Variants in ANKRD27 observed in about 807,000 individuals in gnomAD.
The protein encoded by ANKRD27 is ankyrin repeat domain-containing protein 27.
ANKRD27 carries 112 observed loss-of-function variants against 129.7 expected under a neutral mutation model. The observed-to-expected ratio is 0.86, with a 90% CI of 0.74 to 1.01. The LOEUF (loss-of-function observed/expected upper bound fraction) is 1.01. ANKRD27 is among the 50% of genes least tolerant of loss of function. The pLI is 0.00. For missense variants in ANKRD27, 1,258 were observed against 1,300.5 expected (o/e 0.97, Z 0.50); for synonymous variants, 516 against 511.2 (o/e 1.01, Z -0.13).
rs558531492 is a variant in ANKRD27 at position 32,657,740 on chromosome 19, G to A, written c.102+1174C>T. ...TGTAATCCCAGCACTTTGGGAGGCC[G>A]AGGTGGGCAGATCACCTGAGGCCGG... On this transcript the variant is annotated intron_variant, in intron 2 of 28. Transcript: ENST00000306065. Among the ~76,000 whole-genome samples, 6 of 152,194 alleles carry A rather than the reference G, an allele frequency of 3.9e-5. No individual in the cohort carries two copies. The East Asian group carries it at 9.7e-4, about 25-fold the overall frequency.
chr19:32,664,616 C>CT (rs1967710902), intron 1 of ANKRD27, among the ~76,000 whole-genome samples: 1 of 65,604 alleles, frequency 1.5e-5, no homozygotes, highest in African/African-American at 5.3e-5. Flanking sequence ...ACTCCATCCC[C>CT]AAATAATAAT....
rs749417636 is a variant in ANKRD27, at chr19:32,605,871, G to C, written c.2457C>G (p.Ser819=). The C allele has an allele frequency of 3.7e-6, 6 of 1,614,046 alleles. No homozygotes were observed. The highest frequency in any genetic ancestry group is 5.1e-6 in the Non-Finnish European group (6 of 1,179,964). The stretch of plus-strand genomic sequence containing the variant: ...GTGCCACAAGCTCGTGATGGCCACC[G>C]GAGCAGGCGTAAATGAGGGGCGTGT... ...SGNTPLIYAC[S]GGHHELVALL... is the part of the protein sequence containing the mutation. The change falls in exon 24 of 29, where the codon TCC becomes TCG. Residue 819 remains serine (S), a synonymous_variant. Transcript: ENST00000306065.
In ANKRD27 at chr19:32,604,299, G is replaced by A. The variant is rs1971697543; in HGVS notation, c.2619C>T (p.Asn873=). The A allele has an allele frequency of 6.2e-7, 1 of 1,613,746 alleles. No homozygotes were observed. The highest frequency in any genetic ancestry group is 8.5e-7 in the Non-Finnish European group (1 of 1,180,002). The change falls in exon 25 of 29, where the codon AAC becomes AAT. Residue 873 remains asparagine, a synonymous_variant. Coordinates refer to ENST00000306065, the MANE Select transcript of ANKRD27 (RefSeq NM_032139.3). ...LLHGASVQVL[N]KRQRTAVDCA... is the part of the protein sequence containing the mutation. The stretch of plus-strand genomic sequence containing the variant: ...AGTCTACAGCCGTGCGCTGCCGCTT[G>A]TTCAGCACCTGAACTGACGCTCCGT...
chr19:32,671,602 C>T (rs1280816349), intron 1 of ANKRD27, among the ~76,000 whole-genome samples: 1 of 151,744 alleles, frequency 6.6e-6, no homozygotes, highest in African/African-American at 2.4e-5. Flanking sequence ...GGCTGAGGCA[C>T]GAGAATCTCT....
intron 1 of ANKRD27, among the ~76,000 whole-genome samples, chr19:32,674,033 T>C (rs924864153): frequency 4.0e-5 from 6 of 151,468 alleles, no homozygotes; most frequent in African/African-American, 1.5e-4. Flanking sequence ...GGCATGCGCC[T>C]GTAGTCCCAG....
intron 2 of ANKRD27, among the ~76,000 whole-genome samples, chr19:32,652,808 G>T (rs937508478): frequency 1.1e-4 from 17 of 151,950 alleles, no homozygotes; most frequent in Non-Finnish European, 2.2e-4. Context: ...CACGCCTGTA[G>T]TCCCAGCTAC....
Position 32,607,805 on chromosome 19 carries a change from GC to G in ANKRD27, c.2202del (p.Gly736ValfsTer2), listed in dbSNP as rs756414479. On this transcript the variant is annotated frameshift_variant, in exon 23 of 29. Coordinates refer to ENST00000306065, the MANE Select transcript of ANKRD27 (RefSeq NM_032139.3). LOFTEE classifies it high-confidence loss of function. The part of the protein sequence containing the change: ...QKRLAKVPAS[G>X]LGVNVTSQDG... ...TCCTGGCTGGTCACGTTCACACCAA[GC>G]CCACTGGCAGGAACCTTCGCCAGCC... The G allele has an allele frequency of 1.2e-6, 2 of 1,609,186 alleles. No individual in the cohort carries two copies. Among genetic ancestry groups the G allele is most frequent in the Non-Finnish European group, 1.7e-6 (2 of 1,178,300 alleles).
intron 3 of ANKRD27, among the ~76,000 whole-genome samples, chr19:32,648,964 GTTTGT>G (rs1442113933): frequency 2.7e-4 from 32 of 118,502 alleles, no homozygotes; most frequent in Non-Finnish European, 4.7e-4. Flanking sequence ...TGTTTTTTGG[GTTTGT>G]TTTTTTTTTT....
intron 2 of ANKRD27, among the ~76,000 whole-genome samples, chr19:32,653,823 A>G (rs1053185907): frequency 2.6e-5 from 4 of 152,194 alleles, no homozygotes; most frequent in Non-Finnish European, 5.9e-5. Flanking sequence ...GGCCACATGG[A>G]GATGAGGCGG....
chr19:32,622,439 A>G lies in ANKRD27; in HGVS notation c.1810T>C (p.Cys604Arg). ...QNRLKETPLK[C>R]ALNSKILSVM... Reference sequence around the variant, plus strand: ...AGAGCTACCTTTGAGTTTAATGCACACTTGAGGGGCGTCTCCTTCAGTCTG... The same window carrying G: ...AGAGCTACCTTTGAGTTTAATGCACGCTTGAGGGGCGTCTCCTTCAGTCTG... Residue 604 changes from cysteine to arginine, a missense_variant, in exon 18 of 29, where the codon TGT becomes CGT. Coordinates refer to ENST00000306065, the MANE Select transcript of ANKRD27 (RefSeq NM_032139.3). 6.2e-7 allele frequency: 1 copy of G among 1,612,440 alleles called. No homozygotes were observed. The highest frequency in any genetic ancestry group is 1.1e-5 in the South Asian group (1 of 91,024).
At chr19:32,630,671 C>T (rs1051975284) in intron 13 of ANKRD27, among the ~76,000 whole-genome samples, 2 of 152,236 alleles carry the variant, frequency 1.3e-5, no homozygotes, top group African/African-American at 2.4e-5. Context: ...CACTCTGCCA[C>T]CTAGGCTGGA....
At chr19:32,651,161 G>A (rs910013498) in intron 2 of ANKRD27, among the ~76,000 whole-genome samples, 1 of 152,196 alleles carries the variant, frequency 6.6e-6, no homozygotes, top group Non-Finnish European at 1.5e-5. Context: ...AGGCTCCCAA[G>A]TGGCCTCACC....
chr19:32,648,958 T>C (rs1352730009), intron 3 of ANKRD27, among the ~76,000 whole-genome samples: 1 of 137,350 alleles, frequency 7.3e-6, no homozygotes, highest in Non-Finnish European at 1.5e-5. Flanking sequence ...AAAGATTGTT[T>C]TTTGGGTTTG....
intron 2 of ANKRD27, among the ~76,000 whole-genome samples, chr19:32,653,737 G>GTGGGGA (rs1326282379): frequency 1.3e-5 from 2 of 150,630 alleles, no homozygotes; most frequent in Non-Finnish European, 1.5e-5. Flanking sequence ...CGTGGCGGGG[G>GTGGGGA]CGGGGACGGG....
intron 9 of ANKRD27, 56 bp from the exon 10 acceptor site, chr19:32,642,201 C>T (rs1011543421): frequency 1.1e-5 from 15 of 1,393,758 alleles, no homozygotes; most frequent in South Asian, 5.4e-5. Flanking sequence ...AACCCTCTGG[C>T]CTGGATCTAA....
chr19:32,608,371 T>C (rs2868153), intron 22 of ANKRD27: 180,185 of 309,342 alleles, frequency 0.58, 55,132 homozygotes, highest in Non-Finnish European at 0.67. Flanking sequence ...TTGAGGGGCA[T>C]GGCCACAGCC....
intron 1 of ANKRD27, among the ~76,000 whole-genome samples, chr19:32,667,341 T>TA (rs1326499514): frequency 6.6e-6 from 1 of 152,242 alleles, no homozygotes; most frequent in Non-Finnish European, 1.5e-5. Context: ...TTCAATAACT[T>TA]ATTGTCTTTA....
chr19:32,673,228 A>G, intron 1 of ANKRD27: 1 of 931,162 alleles, frequency 1.1e-6, no homozygotes, highest in Non-Finnish European at 1.3e-6. Flanking sequence ...ACTGGGTGTA[A>G]CTTGGGAATG....
chr19:32,605,882 A>C lies in ANKRD27; in HGVS notation c.2446T>G (p.Tyr816Asp). 2 of 1,614,140 alleles carry C rather than the reference A, an allele frequency of 1.2e-6. No homozygotes were observed. The highest frequency in any genetic ancestry group is 1.7e-6 in the Non-Finnish European group (2 of 1,180,006). The change falls in exon 24 of 29, where the codon TAC (tyrosine) becomes GAC (aspartate). Residue 816 changes from tyrosine (Y) to aspartate (D), a missense_variant. Physicochemically the swap from Tyr to Asp is radical, Grantham distance 160. Coordinates refer to ENST00000306065, the MANE Select transcript of ANKRD27 (RefSeq NM_032139.3). Reference sequence around the variant, plus strand: ...TCGTGATGGCCACCGGAGCAGGCGTAAATGAGGGGCGTGTTTCCACTGAGG... The same window carrying C: ...TCGTGATGGCCACCGGAGCAGGCGTCAATGAGGGGCGTGTTTCCACTGAGG... ...KDLSGNTPLI[Y>D]ACSGGHHELV...
Sources: allele counts gnomAD v4.1 joint callset (sites outside exome capture counted in the v4.1 genomes callset), GRCh38; gene constraint gnomAD v4.1.1; transcripts MANE v1.5; gene names NCBI Gene and HGNC (gene_info 2026-07-23, HGNC 2026-07-21).